Variants in GLIS1 observed in about 807,000 individuals in gnomAD.
GLIS1 encodes the protein GLIS family zinc finger 1.
GLIS1 carries 24 observed loss-of-function variants against 63.8 expected under a neutral mutation model. The ratio of observed to expected loss-of-function variants is 0.38; its 90% confidence interval spans 0.27 to 0.53. GLIS1 has a LOEUF of 0.53. Ranked by LOEUF, GLIS1 falls within the 20% of genes least tolerant of loss-of-function variation. GLIS1 has a pLI of 0.85. For missense variants in GLIS1, 1,036 were observed against 1,074.1 expected, an observed-to-expected ratio of 0.96 and a Z score of 0.50; for synonymous variants, 450 against 482.5, an observed-to-expected ratio of 0.93 and a Z score of 0.88.
rs200296140 is a variant in GLIS1 at position 53,524,896 on chromosome 1, T to TG, written c.1483-10dup. ...TGACAGGCGTACGGCTTCTGTAACA[T>TG]GGGGGGCACGGGTGGGGTGAGTGAG... On this transcript the variant is annotated splice_polypyrimidine_tract_variant and intron_variant, in intron 5 of 10. Coordinates refer to ENST00000628545, the MANE Select transcript of GLIS1 (RefSeq NM_001367484.1). The TG allele has an allele frequency of 0.015, 24,184 of 1,572,370 alleles. 424 individuals carry two copies. Among genetic ancestry groups the TG allele is most frequent in the Middle Eastern group, 0.033 (198 of 5,914 alleles).
At chr1:53,610,583 T>G (rs1217772852) in intron 2 of GLIS1, among the ~76,000 whole-genome samples, 1 of 152,238 alleles carries the variant, frequency 6.6e-6, no homozygotes, top group Non-Finnish European at 1.5e-5. Context: ...CAACCCTGAC[T>G]ACTTTTAAGA....
intron 2 of GLIS1, among the ~76,000 whole-genome samples, chr1:53,698,984 A>G (rs1395028425): frequency 1.3e-5 from 2 of 152,164 alleles, no homozygotes; most frequent in Admixed American, 1.3e-4. Context: ...GTAACAGTGC[A>G]TGCCACACAC....
At chr1:53,513,618 C>T (rs1355587269) in intron 8 of GLIS1, among the ~76,000 whole-genome samples, 1 of 152,240 alleles carries the variant, frequency 6.6e-6, no homozygotes, top group Non-Finnish European at 1.5e-5. Context: ...CACAGCCCTT[C>T]TGCTTCCTTG....
At chr1:53,518,839 C>T (rs529026859) in intron 7 of GLIS1, among the ~76,000 whole-genome samples, 2 of 152,342 alleles carry the variant, frequency 1.3e-5, no homozygotes, top group Admixed American at 1.3e-4. Context: ...GGCCCTGTCC[C>T]TTCTCGCTGG....
chr1:53,522,986 C>CTTTTTCTTTTTTTTTTTTTTTTTTTTT (rs760283252), intron 6 of GLIS1, among the ~76,000 whole-genome samples: 1 of 43,690 alleles, frequency 2.3e-5, no homozygotes, highest in African/African-American at 4.4e-5. Context: ...TCTTTTCTTT[C>CTTTTTCTTTTTTTTTTTTTTTTTTTTT]TTTTTTTTTT....
chr1:53,733,170 T>C (rs1202336730), intron 2 of GLIS1, among the ~76,000 whole-genome samples: 1 of 152,224 alleles, frequency 6.6e-6, no homozygotes, highest in African/African-American at 2.4e-5. Flanking sequence ...AGTGATTCAT[T>C]GTGCACTTAT....
chr1:53,608,898 C>T (rs1645398129), intron 2 of GLIS1, among the ~76,000 whole-genome samples: 1 of 152,112 alleles, frequency 6.6e-6, no homozygotes, highest in Non-Finnish European at 1.5e-5. Flanking sequence ...TGACTCTGCC[C>T]CCCTGCATGT....
intron 7 of GLIS1, among the ~76,000 whole-genome samples, chr1:53,519,419 G>C (rs1644384305): frequency 6.6e-6 from 1 of 152,212 alleles, no homozygotes; most frequent in African/African-American, 2.4e-5. Context: ...TCAACATTGA[G>C]GGGAAAGAAT....
rs777833515 is a variant in GLIS1, at chr1:53,509,296, G to T, written c.2063-9C>A. 6.4e-7 allele frequency: 1 copy of T among 1,557,010 alleles called. No homozygotes were observed. Among genetic ancestry groups the T allele is most frequent in the Non-Finnish European group, 8.7e-7 (1 of 1,145,236 alleles). On this transcript the variant is annotated splice_polypyrimidine_tract_variant and intron_variant, in intron 9 of 10. Transcript: ENST00000628545. The stretch of plus-strand genomic sequence containing the variant: ...GAAACTGCCCTGGTAACCTGCAGAC[G>T]GGGGTAGCAGGGGCCGCGTTCACAA...
intron 2 of GLIS1, among the ~76,000 whole-genome samples, chr1:53,721,430 C>T (rs976922941): frequency 6.6e-6 from 1 of 152,196 alleles, no homozygotes; most frequent in Admixed American, 6.5e-5. Context: ...GGACCGTAAA[C>T]ACCACGTAAA....
chr1:53,729,781 T>C (rs1313052424), intron 2 of GLIS1, among the ~76,000 whole-genome samples: 3 of 152,210 alleles, frequency 2.0e-5, no homozygotes, highest in Non-Finnish European at 4.4e-5. Context: ...AATTAATATT[T>C]AAACTTATTA....
chr1:53,524,185 C>T (rs1007248376), intron 6 of GLIS1, among the ~76,000 whole-genome samples: 1 of 152,356 alleles, frequency 6.6e-6, no homozygotes, highest in Non-Finnish European at 1.5e-5. Context: ...AAGGCACGTA[C>T]GTGCCTGGGT....
intron 2 of GLIS1, among the ~76,000 whole-genome samples, chr1:53,702,909 C>T (rs1646539137): frequency 6.6e-6 from 1 of 152,202 alleles, no homozygotes; most frequent in Non-Finnish European, 1.5e-5. Context: ...GGCCTGTCCT[C>T]ATGAGGGGGT....
chr1:53,736,076 A>G (rs1646909855), intron 2 of GLIS1, among the ~76,000 whole-genome samples: 1 of 152,246 alleles, frequency 6.6e-6, no homozygotes, highest in African/African-American at 2.4e-5. Context: ...ACATCCCACC[A>G]CAACAGCCTC....
At chr1:53,667,250 A>G (rs1173150165) in intron 2 of GLIS1, among the ~76,000 whole-genome samples, 1 of 152,234 alleles carries the variant, frequency 6.6e-6, no homozygotes, top group Non-Finnish European at 1.5e-5. Context: ...CTCCAGGTGT[A>G]TCAACCCAAA....
At position 53,674,186 on chromosome 1, in the gene GLIS1, A is replaced by G. The variant is rs528693563; in HGVS notation, c.259+63620T>C. The stretch of plus-strand genomic sequence containing the variant: ...GACTCTGTCTCAAAAAAAAAAAAAA[A>G]AAAGAAAAGAAAAAAAAATCCATTA... On this transcript the variant is annotated intron_variant, in intron 2 of 10. Coordinates refer to ENST00000628545, the MANE Select transcript of GLIS1 (RefSeq NM_001367484.1). Among the ~76,000 whole-genome samples, 705 of 151,730 alleles carry G rather than the reference A, an allele frequency of 4.6e-3. 10 individuals are homozygous for G. Among genetic ancestry groups the G allele is most frequent in the African/African-American group, 0.016 (670 of 41,334 alleles).
At chr1:53,584,315 T>G (rs1645113230) in intron 4 of GLIS1, among the ~76,000 whole-genome samples, 1 of 152,152 alleles carries the variant, frequency 6.6e-6, no homozygotes, top group Non-Finnish European at 1.5e-5. Context: ...GGTAATTCAC[T>G]TCAAGACCAA....
chr1:53,714,919 T>G (rs1026219510), intron 2 of GLIS1, among the ~76,000 whole-genome samples: 2 of 152,220 alleles, frequency 1.3e-5, no homozygotes, highest in African/African-American at 4.8e-5. Context: ...TTATTTTTAT[T>G]TTTATTTATT....
intron 2 of GLIS1, among the ~76,000 whole-genome samples, chr1:53,627,710 T>C (rs1405808238): frequency 1.3e-5 from 2 of 152,192 alleles, no homozygotes; most frequent in Non-Finnish European, 2.9e-5. Flanking sequence ...CCAATGTGCC[T>C]GGCTGGGGAG....
Sources: gnomAD v4.1 joint callset for allele counts (sites outside exome capture counted in the v4.1 genomes callset) on GRCh38, gnomAD v4.1.1 for gene constraint, MANE v1.5 for transcripts, NCBI Gene and HGNC (gene_info 2026-07-23, HGNC 2026-07-21) for gene names.